The following ENAH variants were observed in gnomAD, a reference collection of about 807,000 sequenced individuals.
ENAH encodes protein enabled homolog.
In ENAH, 23 loss-of-function variants were observed where a neutral mutation model predicts 78.7. The observed-to-expected ratio is 0.29, with a 90% confidence interval of 0.21 to 0.41. The LOEUF (loss-of-function observed/expected upper bound fraction) is 0.41. Ranked by LOEUF, ENAH falls within the 10% of genes least tolerant of loss-of-function variation. ENAH has a pLI of 1.00. For missense variants in ENAH, 544 were observed against 691.0 expected (o/e 0.79, Z 2.39); for synonymous variants, 226 against 241.0 (o/e 0.94, Z 0.58).
intron 4 of ENAH, among the ~76,000 whole-genome samples, chr1:225,519,875 C>T (rs1010082151): frequency 2.6e-5 from 4 of 152,150 alleles, no homozygotes; most frequent in Non-Finnish European, 5.9e-5. Flanking sequence ...ACTTTAATAA[C>T]CAAGTCATTA....
At chr1:225,505,016 T>G (rs1558714012) in intron 11 of ENAH, 1 of 1,613,004 alleles carries the variant, frequency 6.2e-7, no homozygotes, top group Admixed American at 1.7e-5. Context: ...TAGGACCTGT[T>G]GTCAAAAACA....
intron 11 of ENAH, chr1:225,505,160 G>A (rs934548573): frequency 2.5e-5 from 19 of 749,242 alleles, no homozygotes; most frequent in Admixed American, 7.7e-5. Flanking sequence ...AACAAGAATT[G>A]AGTCTATTAA....
chr1:225,536,788 ATT>A (rs956296567), intron 3 of ENAH, among the ~76,000 whole-genome samples: 5 of 151,516 alleles, frequency 3.3e-5, no homozygotes, highest in African/African-American at 1.2e-4. Context: ...CATACACTGT[ATT>A]TTTTTTGCAA....
intron 2 of ENAH, among the ~76,000 whole-genome samples, chr1:225,560,721 C>T (rs1445510094): frequency 6.6e-6 from 1 of 152,154 alleles, no homozygotes; most frequent in African/African-American, 2.4e-5. Context: ...ACACTAGAAA[C>T]CCAAAGCTAC....
chr1:225,552,209 TCACTG>T (rs2096644518), intron 3 of ENAH, among the ~76,000 whole-genome samples: 1 of 142,744 alleles, frequency 7.0e-6, no homozygotes, highest in Non-Finnish European at 1.5e-5. Flanking sequence ...CGATCTCAGC[TCACTG>T]CAAGCTCCGC....
chr1:225,567,693 A>G lies in ENAH; in HGVS notation c.6-279T>C, dbSNP rs538887331. On this transcript the variant is annotated intron_variant, in intron 1 of 13. Transcript: ENST00000366843. ...CAAGAAATGGTTTCTTCTAAATTTG[A>G]GTATCTAATTCATTCACTAAACTGA... 1.4e-4 allele frequency among the ~76,000 whole-genome samples: 21 copies of G among 152,326 alleles called. No individual in the cohort carries two copies. The South Asian group carries it at 4.1e-3, about 30-fold the overall frequency.
intron 5 of ENAH, chr1:225,517,608 TGGA>T (rs924200669): frequency 6.4e-7 from 1 of 1,550,862 alleles, no homozygotes; most frequent in Non-Finnish European, 8.7e-7. Flanking sequence ...TAATCATTAT[TGGA>T]GGAGATGGAG....
rs1480827498 is a variant in ENAH at position 225,545,779 on chromosome 1, A to AG, written c.349+9126dup. On this transcript the variant is annotated intron_variant, in intron 3 of 13. Transcript: ENST00000366843. ...ATGGACCACACTTTTTGAATCCCTGAGTTAGAGGTTTAAATTCAAGATTCC... is the reference window on the plus strand; with the variant it reads ...ATGGACCACACTTTTTGAATCCCTGAGGTTAGAGGTTTAAATTCAAGATTCC... Among the ~76,000 whole-genome samples the AG allele has an allele frequency of 2.6e-5, 4 of 152,228 alleles. No individual in the cohort carries two copies. The East Asian group carries it at 7.7e-4, about 29-fold the overall frequency.
intron 1 of ENAH, among the ~76,000 whole-genome samples, chr1:225,645,563 G>A (rs527570425): frequency 2.6e-5 from 4 of 152,262 alleles, no homozygotes; most frequent in South Asian, 4.1e-4. Context: ...TGGGTCATAC[G>A]ATAACTCTAT....
chr1:225,626,790 T>C (rs894860360), intron 1 of ENAH, among the ~76,000 whole-genome samples: 3 of 152,248 alleles, frequency 2.0e-5, no homozygotes, highest in African/African-American at 4.8e-5. Context: ...TCTCTAGTTA[T>C]TTTTATAAAG....
Position 225,519,321 on chromosome 1 carries a change from G to T in ENAH, c.679C>A (p.Gln227Lys). 1 of 1,613,738 alleles carries T rather than the reference G, an allele frequency of 6.2e-7. No homozygotes were observed. Among genetic ancestry groups the T allele is most frequent in the Non-Finnish European group, 8.5e-7 (1 of 1,179,926 alleles). The change falls in exon 5 of 14, where the codon CAA becomes AAA. Residue 227 changes from glutamine (Q) to lysine (K), a missense_variant. Gln to Lys is a moderately conservative substitution (Grantham distance 53). Around this residue, in one of 4 missense-constraint regions of ENAH, gnomAD observed 366 missense variants for 396.1 expected, o/e 0.92. Transcript: ENST00000366843. The stretch of plus-strand genomic sequence containing the variant: ...AGCCTCTCTCGTTCTTGTCTTTCTT[G>T]CCTCTCCCGATCCAGGCGTTCCTGC... Reference protein sequence around the residue: ...ERQERLDRERQERQERERLER... With the variant: ...ERQERLDRERKERQERERLER...
At chr1:225,526,859 T>C (rs1257879785) in intron 4 of ENAH, among the ~76,000 whole-genome samples, 4 of 152,242 alleles carry the variant, frequency 2.6e-5, no homozygotes, top group Non-Finnish European at 4.4e-5. Context: ...GTTTTGGTCC[T>C]TCTTTTATAG....
chr1:225,605,822 GGACA>G (rs1475514202), intron 1 of ENAH, among the ~76,000 whole-genome samples: 3 of 152,134 alleles, frequency 2.0e-5, no homozygotes, highest in Non-Finnish European at 4.4e-5. Context: ...AGATCACTGT[GGACA>G]GAGAAGGAGA....
intron 3 of ENAH, among the ~76,000 whole-genome samples, chr1:225,538,776 GT>G (rs1340547470): frequency 1.3e-5 from 2 of 152,128 alleles, no homozygotes; most frequent in African/African-American, 4.8e-5. Context: ...AGTCCACCAT[GT>G]TTTGTAAGCC....
At chr1:225,594,661 G>C (rs1305799148) in intron 1 of ENAH, among the ~76,000 whole-genome samples, 1 of 152,180 alleles carries the variant, frequency 6.6e-6, no homozygotes, top group East Asian at 1.9e-4. Flanking sequence ...GCATATTCAA[G>C]CATCTGCTGA....
chr1:225,520,150 C>T (rs1347320052), intron 4 of ENAH, among the ~76,000 whole-genome samples: 1 of 152,042 alleles, frequency 6.6e-6, no homozygotes, highest in African/African-American at 2.4e-5. Flanking sequence ...AAAAAATTAG[C>T]CGGGCATGGT....
chr1:225,504,770 T>C (rs1462664856), intron 11 of ENAH, among the ~76,000 whole-genome samples: 1 of 152,220 alleles, frequency 6.6e-6, no homozygotes, highest in African/African-American at 2.4e-5. Flanking sequence ...AGATAATACA[T>C]GTGGCCTTAG....
intron 12 of ENAH, among the ~76,000 whole-genome samples, chr1:225,499,313 TA>T (rs1310058517): frequency 6.6e-6 from 1 of 151,858 alleles, no homozygotes; most frequent in African/African-American, 2.4e-5. Flanking sequence ...AGAAAAATTT[TA>T]AAATATATAC....
intron 2 of ENAH, among the ~76,000 whole-genome samples, chr1:225,558,162 G>A (rs1176126615): frequency 3.3e-5 from 5 of 152,054 alleles, no homozygotes; most frequent in Non-Finnish European, 7.4e-5. Flanking sequence ...AGATTAACCT[G>A]TAATTTCCTC....
Sources: gnomAD v4.1 joint callset for allele counts (sites outside exome capture counted in the v4.1 genomes callset) on GRCh38, gnomAD v4.1.1 for gene constraint, gnomAD v4.1.1 regional missense constraint, MANE v1.5 for transcripts, NCBI Gene and HGNC (gene_info 2026-07-23, HGNC 2026-07-21) for gene names.